The following GREM2 variants were observed in gnomAD, a reference collection of about 807,000 sequenced individuals.
The protein encoded by GREM2 is gremlin 2, DAN family BMP antagonist, also known as gremlin-2.
GREM2 carries 11 observed loss-of-function variants against 14.2 expected under a neutral mutation model. That is an observed-to-expected ratio of 0.78 (90% CI 0.49 to 1.28). The LOEUF (loss-of-function observed/expected upper bound fraction) is 1.28. GREM2 is among the 50% of genes most tolerant of loss of function. The probability of loss-of-function intolerance (pLI) is 0.00; values close to 1 mark genes in which losing one functional copy is unlikely to be tolerated. For synonymous variants in GREM2, 98 were observed against 97.6 expected, an observed-to-expected ratio of 1.00 and a Z score of -0.02; for missense variants, 210 against 218.5, an observed-to-expected ratio of 0.96 and a Z score of 0.24.
At chr1:240,581,951 T>C (rs1050867190) in intron 1 of GREM2, among the ~76,000 whole-genome samples, 5 of 152,256 alleles carry the variant, frequency 3.3e-5, no homozygotes, top group Non-Finnish European at 5.9e-5. Flanking sequence ...AATTCTGTAA[T>C]ACAGTGGTTC....
At position 240,490,704 on chromosome 1, in the gene GREM2, A is replaced by G. The variant is rs1461380194; in HGVS notation, c.*2265T>C. On this transcript the variant is annotated 3_prime_UTR_variant, in exon 2 of 2. Coordinates refer to ENST00000318160, the MANE Select transcript of GREM2 (RefSeq NM_022469.4). Reference sequence around the variant, plus strand: ...ATATTGCTTTCATTGCTACACCCACAATTGGGTTCGAAGAGAGTGTGCTCG... The same window carrying G: ...ATATTGCTTTCATTGCTACACCCACGATTGGGTTCGAAGAGAGTGTGCTCG... 1 of 152,294 alleles carries G rather than the reference A, an allele frequency of 6.6e-6. No homozygotes were observed. Among genetic ancestry groups the G allele is most frequent in the Non-Finnish European group, 1.5e-5 (1 of 68,036 alleles). The allele number at this position is 152,294 out of a possible 1,614,324, so 9.4% of individuals were successfully genotyped here. A position where few individuals can be genotyped will look rare whatever the true frequency, so the allele number is the denominator to read the frequency against.
intron 1 of GREM2, among the ~76,000 whole-genome samples, chr1:240,515,101 A>T (rs569467199): frequency 6.6e-6 from 1 of 152,330 alleles, no homozygotes. Context: ...CTTTCTGGAG[A>T]TTTTACAAAC....
rs560035897 is a variant in GREM2, at chr1:240,542,327, C to T, written c.-1-48851G>A. Among the ~76,000 whole-genome samples, 55 of 151,858 alleles carry T rather than the reference C, an allele frequency of 3.6e-4. No homozygotes were observed. Among genetic ancestry groups the T allele is most frequent in the South Asian group, 8.3e-4 (4 of 4,800 alleles). The stretch of plus-strand genomic sequence containing the variant: ...AATTTCTAAGGAGCTGAGCCGGGCA[C>T]GGTGGCTCACGGCTCACGTCTAATC... On this transcript the variant is annotated intron_variant, in intron 1 of 1. Transcript: ENST00000318160. The surrounding 1 kb of genome is among the most constrained non-coding windows in gnomAD (Gnocchi z 4.1).
Position 240,543,416 on chromosome 1 carries a change from A to T in GREM2, c.-1-49940T>A, listed in dbSNP as rs762187644. Among the ~76,000 whole-genome samples, 6 of 152,328 alleles carry T rather than the reference A, an allele frequency of 3.9e-5. 1 individual carries two copies. The highest frequency in any genetic ancestry group is 2.1e-4 in the South Asian group (1 of 4,820). ...AATCACGTCTTACATGGTGGTAAGC[A>T]GGAGAGTTTGTTCAGGGGAACTCCC... is the stretch of plus-strand genomic sequence containing the variant. On this transcript the variant is annotated intron_variant, in intron 1 of 1. Coordinates refer to ENST00000318160, the MANE Select transcript of GREM2 (RefSeq NM_022469.4). The surrounding 1 kb of genome is among the most constrained non-coding windows in gnomAD (Gnocchi z 6.4).
chr1:240,599,178 G>A (rs944061079), intron 1 of GREM2, among the ~76,000 whole-genome samples: 1 of 151,190 alleles, frequency 6.6e-6, no homozygotes, highest in Non-Finnish European at 1.5e-5. Flanking sequence ...TGAGGCAGGA[G>A]AATTGCTTGA....
At chr1:240,521,096 T>C (rs1242275261) in intron 1 of GREM2, among the ~76,000 whole-genome samples, 2 of 152,174 alleles carry the variant, frequency 1.3e-5, no homozygotes, top group African/African-American at 4.8e-5. Flanking sequence ...TTGATGCCAT[T>C]AAATTCCATC....
At chr1:240,501,559 T>G (rs1019470866) in intron 1 of GREM2, among the ~76,000 whole-genome samples, 4 of 152,208 alleles carry the variant, frequency 2.6e-5, no homozygotes, top group Admixed American at 2.0e-4. Context: ...GGAAATGGAA[T>G]GCTGAAGCAA....
chr1:240,544,405 C>G (rs1177543108), intron 1 of GREM2, among the ~76,000 whole-genome samples: 1 of 152,094 alleles, frequency 6.6e-6, no homozygotes, highest in Non-Finnish European at 1.5e-5. Flanking sequence ...CCTTGGCCTC[C>G]CAAAGTGCTG....
chr1:240,494,329 T>C (rs940409994), intron 1 of GREM2, among the ~76,000 whole-genome samples: 2 of 152,166 alleles, frequency 1.3e-5, no homozygotes. Context: ...CACTAAACAA[T>C]GGCCCAGGAT....
intron 1 of GREM2, among the ~76,000 whole-genome samples, chr1:240,562,842 G>A (rs1288735293): frequency 2.0e-5 from 3 of 150,336 alleles, no homozygotes; most frequent in East Asian, 3.9e-4. Context: ...GTGTGTATAT[G>A]AGTGTGTATG....
chr1:240,525,168 A>G (rs1002773626), intron 1 of GREM2, among the ~76,000 whole-genome samples: 1 of 152,130 alleles, frequency 6.6e-6, no homozygotes, highest in African/African-American at 2.4e-5. Context: ...CCATTTCCCA[A>G]TGACACACTT....
chr1:240,513,209 A>C (rs1677873473), intron 1 of GREM2, among the ~76,000 whole-genome samples: 1 of 152,150 alleles, frequency 6.6e-6, no homozygotes, highest in Non-Finnish European at 1.5e-5. Context: ...CAAGGATGAT[A>C]CCCAGATGTG....
intron 1 of GREM2, among the ~76,000 whole-genome samples, chr1:240,498,235 T>G (rs545695262): frequency 6.6e-6 from 1 of 152,258 alleles, no homozygotes; most frequent in Non-Finnish European, 1.5e-5. Context: ...AGAAGTTAGG[T>G]CTCACGGGAA....
intron 1 of GREM2, among the ~76,000 whole-genome samples, chr1:240,521,445 A>AC (rs1678091719): frequency 6.6e-6 from 1 of 150,604 alleles, no homozygotes; most frequent in Admixed American, 6.6e-5. Flanking sequence ...GTGAGGGGCG[A>AC]CTGTAGTCCC....
intron 1 of GREM2, among the ~76,000 whole-genome samples, chr1:240,585,533 C>G (rs1265613544): frequency 6.6e-6 from 1 of 151,748 alleles, no homozygotes; most frequent in Non-Finnish European, 1.5e-5. Context: ...AGTTCGAGAC[C>G]AGCTTGGCCA....
Position 240,549,622 on chromosome 1 carries a change from T to C in GREM2, c.-1-56146A>G, listed in dbSNP as rs573926848. On this transcript the variant is annotated intron_variant, in intron 1 of 1. Transcript: ENST00000318160. ...CAGAACTGAGACATCTGGAAAGGCC[T>C]TGGTCTTGGAGAAGAGGAGCTACAG... Among the ~76,000 whole-genome samples, 14 of 152,254 alleles carry C rather than the reference T, an allele frequency of 9.2e-5. No homozygotes were observed. The East Asian group carries it at 2.5e-3, about 27-fold the overall frequency.
chr1:240,565,991 T>C (rs371396778), intron 1 of GREM2, among the ~76,000 whole-genome samples: 3 of 152,268 alleles, frequency 2.0e-5, no homozygotes, highest in Admixed American at 1.3e-4. Context: ...AAAATTTTTT[T>C]GCAGGGGTTT....
At chr1:240,591,076 A>G (rs552746660) in intron 1 of GREM2, among the ~76,000 whole-genome samples, 15 of 152,282 alleles carry the variant, frequency 9.9e-5, no homozygotes, top group South Asian at 6.2e-4. Flanking sequence ...CACCATGCCC[A>G]GCCAGAAATG....
intron 1 of GREM2, among the ~76,000 whole-genome samples, chr1:240,565,642 G>A (rs752090247): frequency 2.0e-5 from 3 of 151,884 alleles, no homozygotes; most frequent in Non-Finnish European, 4.4e-5. Context: ...AGCTCAGGAC[G>A]AGATCAGCCT....
Sources: allele counts gnomAD v4.1 joint callset (sites outside exome capture counted in the v4.1 genomes callset), GRCh38; gene constraint gnomAD v4.1.1; non-coding constraint Gnocchi (gnomAD v3.1); transcripts MANE v1.5; gene names NCBI Gene and HGNC (gene_info 2026-07-23, HGNC 2026-07-21).